The following PCDHGB1 variants were observed in gnomAD, a reference collection of about 807,000 sequenced individuals.
PCDHGB1 encodes protocadherin gamma-B1.
In PCDHGB1, 34 loss-of-function variants were observed where a neutral mutation model predicts 56.6. The observed-to-expected ratio is 0.60, with a 90% CI of 0.46 to 0.80. The LOEUF is 0.80. Among genes scored for constraint, PCDHGB1 ranks in the 30% least tolerant of loss-of-function variants. The pLI is 0.00. For synonymous variants in PCDHGB1, 561 were observed against 505.9 expected (o/e 1.11, Z -1.46); for missense variants, 1,278 against 1,204.6 (o/e 1.06, Z -0.90).
chr5:141,368,390 C>T (rs1290377488), intron 1 of PCDHGB1, among the ~76,000 whole-genome samples: 1 of 152,100 alleles, frequency 6.6e-6, no homozygotes, highest in Non-Finnish European at 1.5e-5. Flanking sequence ...CATACACACA[C>T]ACAAACACAC....
chr5:141,379,993 G>A (rs922146667), intron 1 of PCDHGB1, among the ~76,000 whole-genome samples: 21 of 143,096 alleles, frequency 1.5e-4, no homozygotes, highest in Middle Eastern at 3.8e-3. Context: ...TCCTCCTCCT[G>A]GGTTCAAGCG....
chr5:141,404,271 T>A, intron 1 of PCDHGB1: 1 of 1,614,000 alleles, frequency 6.2e-7, no homozygotes, highest in Non-Finnish European at 8.5e-7. Flanking sequence ...CACATCACCC[T>A]GCAAGTGACT....
In PCDHGB1 at chr5:141,485,318, G is replaced by A. The variant is rs1318256454; in HGVS notation, c.2410-9489G>A. On this transcript the variant is annotated intron_variant, in intron 1 of 3. Transcript: ENST00000523390. The surrounding 1 kb of genome is among the most constrained non-coding windows in gnomAD (Gnocchi z 5.7). ...GGAAGGGACTTTTGTAGGGAATGTC[G>A]CTCAAGATTTCCTGCTGGATACGGA... 3 of 1,614,142 alleles carry A rather than the reference G, an allele frequency of 1.9e-6. No homozygotes were observed. The highest frequency in any genetic ancestry group is 2.5e-6 in the Non-Finnish European group (3 of 1,180,006).
chr5:141,490,033 A>C lies in PCDHGB1; in HGVS notation c.2410-4774A>C, dbSNP rs200482631. The C allele has an allele frequency of 4.0e-5, 65 of 1,614,116 alleles. No homozygotes were observed. Among genetic ancestry groups the C allele is most frequent in the Non-Finnish European group, 4.1e-5 (48 of 1,180,040 alleles). On this transcript the variant is annotated intron_variant, in intron 1 of 3. Transcript: ENST00000523390. This position sits in a 1 kb window ranked among gnomAD's most constrained non-coding sequence, Gnocchi z 5.4. ...CATTGGTACTCTGCTGCTCCGCCTC[A>C]ATGCCACTGATCCAGACGAGGGCAC...
chr5:141,474,244 A>G (rs910247549), intron 1 of PCDHGB1, among the ~76,000 whole-genome samples: 26 of 152,270 alleles, frequency 1.7e-4, no homozygotes, highest in Non-Finnish European at 3.2e-4. Context: ...TGAATAGGGG[A>G]AAAAAAGACT....
rs765887978 is a variant in PCDHGB1 at position 141,486,476 on chromosome 5, C to T, written c.2410-8331C>T. The T allele has an allele frequency of 8.7e-6, 14 of 1,613,934 alleles. No homozygotes were observed. The highest frequency in any genetic ancestry group is 1.7e-5 in the Admixed American group (1 of 60,016). ...TGCTTCTGATGCTGGGAACCCTCCT[C>T]TCAGTACCCACAGAACTATTTTCCT... On this transcript the variant is annotated intron_variant, in intron 1 of 3. Transcript: ENST00000523390. This position sits in a 1 kb window ranked among gnomAD's most constrained non-coding sequence, Gnocchi z 5.0.
At chr5:141,449,588 CAAAAAAA>C (rs768743917) in intron 1 of PCDHGB1, among the ~76,000 whole-genome samples, 5 of 57,506 alleles carry the variant, frequency 8.7e-5, no homozygotes, top group Admixed American at 3.6e-4. Flanking sequence ...GACTCTGTCT[CAAAAAAA>C]AAAAAAAAAA....
chr5:141,366,221 G>C lies in PCDHGB1; in HGVS notation c.2409+13552G>C, dbSNP rs774963460. 7 of 1,613,716 alleles carry C rather than the reference G, an allele frequency of 4.3e-6. No individual in the cohort carries two copies. The East Asian group carries it at 1.6e-4, about 36-fold the overall frequency. ...CACGGGCGAGGTGCGCACAGCGCGA[G>C]CCCTGCTGGACAGAGACGCGCTCAA... On this transcript the variant is annotated intron_variant, in intron 1 of 3. Coordinates refer to ENST00000523390, the MANE Select transcript of PCDHGB1 (RefSeq NM_018922.3).
At chr5:141,415,255 A>G (rs908329007) in intron 1 of PCDHGB1, 1 of 1,613,620 alleles carries the variant, frequency 6.2e-7, no homozygotes, top group African/African-American at 1.3e-5. Context: ...CTCAGACCTC[A>G]CTCTGTACCT....
chr5:141,371,174 C>T (rs777820402), intron 1 of PCDHGB1: 1 of 1,613,994 alleles, frequency 6.2e-7, no homozygotes, highest in Middle Eastern at 1.6e-4. Flanking sequence ...CTGGCTCCTC[C>T]GTATTAAAAG....
chr5:141,403,109 G>A (rs754708762), intron 1 of PCDHGB1: 3 of 1,614,074 alleles, frequency 1.9e-6, no homozygotes. Context: ...CAAGGACCTG[G>A]CTCTGGAGCC....
Position 141,486,087 on chromosome 5 carries a change from T to G in PCDHGB1, c.2410-8720T>G. 4 of 1,614,176 alleles carry G rather than the reference T, an allele frequency of 2.5e-6. No individual in the cohort carries two copies. The highest frequency in any genetic ancestry group is 3.4e-6 in the Non-Finnish European group (4 of 1,180,028). ...CCCACTACTGGAAAGCTTACTCTTT[T>G]GGGGCCCCTAGACTTTGAGAGTGAG... On this transcript the variant is annotated intron_variant, in intron 1 of 3. Coordinates refer to ENST00000523390, the MANE Select transcript of PCDHGB1 (RefSeq NM_018922.3). This position sits in a 1 kb window ranked among gnomAD's most constrained non-coding sequence, Gnocchi z 5.0.
Position 141,491,364 on chromosome 5 carries a change from C to T in PCDHGB1, c.2410-3443C>T. 1 of 1,614,164 alleles carries T rather than the reference C, an allele frequency of 6.2e-7. No homozygotes were observed. The highest frequency in any genetic ancestry group is 8.5e-7 in the Non-Finnish European group (1 of 1,180,000). On this transcript the variant is annotated intron_variant, in intron 1 of 3. Coordinates refer to ENST00000523390, the MANE Select transcript of PCDHGB1 (RefSeq NM_018922.3). This position sits in a 1 kb window ranked among gnomAD's most constrained non-coding sequence, Gnocchi z 6.9. The stretch of plus-strand genomic sequence containing the variant: ...CCGTCAGTCTCTTATCCCTAGTCAC[C>T]TTCACCTTTCTGTCAGCGAAGTGCC...
chr5:141,350,423 A>G lies in PCDHGB1; in HGVS notation c.163A>G (p.Ser55Gly). 6.2e-7 allele frequency: 1 copy of G among 1,607,140 alleles called. No homozygotes were observed. Among genetic ancestry groups the G allele is most frequent in the East Asian group, 2.2e-5 (1 of 44,724 alleles). ...VGKLAKDLGL[S>G]VRELPTRKLR... is the part of the protein sequence containing the mutation. ...GAAACTTGCCAAGGATCTGGGGCTC[A>G]GTGTCCGGGAGTTGCCAACTCGAAA... The change falls in exon 1 of 4, where the codon AGT becomes GGT. Residue 55 changes from serine (S) to glycine (G), a missense_variant. By Grantham distance (56) the Ser-to-Gly change is moderately conservative. Coordinates refer to ENST00000523390, the MANE Select transcript of PCDHGB1 (RefSeq NM_018922.3).
At chr5:141,484,989 T>C (rs1295192640) in intron 1 of PCDHGB1, 4 of 604,024 alleles carry the variant, frequency 6.6e-6, no homozygotes, top group Non-Finnish European at 1.2e-5. Context: ...AATCGGGTGG[T>C]GAAAGGCAGA....
intron 1 of PCDHGB1, chr5:141,383,127 C>T (rs1778840587): frequency 3.7e-6 from 6 of 1,614,054 alleles, no homozygotes; most frequent in Non-Finnish European, 4.2e-6. Flanking sequence ...AGCTTTTCGC[C>T]CTGAACCAGC....
intron 1 of PCDHGB1, chr5:141,393,407 CG>C: frequency 5.0e-6 from 8 of 1,614,056 alleles, no homozygotes; most frequent in Non-Finnish European, 6.8e-6. Context: ...TGCTGGAGCG[CG>C]CCCTGGACAG....
At chr5:141,384,210 C>A in intron 1 of PCDHGB1, 1 of 1,613,886 alleles carries the variant, frequency 6.2e-7, no homozygotes, top group Admixed American at 1.7e-5. Flanking sequence ...GGGAAACTCA[C>A]ATATTCATGC....
chr5:141,374,334 T>G, intron 1 of PCDHGB1: 2 of 1,614,018 alleles, frequency 1.2e-6, no homozygotes, highest in South Asian at 2.2e-5. Flanking sequence ...AACGGCAGCT[T>G]GGTCACCGCG....
Sources: allele counts gnomAD v4.1 joint callset (sites outside exome capture counted in the v4.1 genomes callset), GRCh38; gene constraint gnomAD v4.1.1; non-coding constraint Gnocchi (gnomAD v3.1); transcripts MANE v1.5; gene names NCBI Gene and HGNC (gene_info 2026-07-23, HGNC 2026-07-21).